Variants in PRDM16 observed in about 807,000 individuals in gnomAD.
The protein encoded by PRDM16 is PR/SET domain 16, also known as histone-lysine N-methyltransferase PRDM16.
A neutral mutation model predicts 110.6 loss-of-function variants in PRDM16; 23 were observed. The observed-to-expected ratio is 0.21, with a 90% CI of 0.15 to 0.29. The LOEUF (loss-of-function observed/expected upper bound fraction) is 0.29. PRDM16 is among the 10% of genes least tolerant of loss of function. The pLI is 1.00. For synonymous variants in PRDM16, 799 were observed against 781.8 expected (o/e 1.02, Z -0.37); for missense variants, 1,615 against 1,794.3 (o/e 0.90, Z 1.81).
intron 2 of PRDM16, among the ~76,000 whole-genome samples, chr1:3,214,651 A>G (rs563066556): frequency 6.6e-6 from 1 of 152,356 alleles, no homozygotes; most frequent in East Asian, 1.9e-4. Context: ...GAGCCGAGAT[A>G]CATTACCACA....
chr1:3,223,900 C>T (rs16823542), intron 2 of PRDM16, among the ~76,000 whole-genome samples: 14,780 of 152,186 alleles, frequency 0.097, 981 homozygotes, highest in African/African-American at 0.18. Flanking sequence ...AGCAGATGAA[C>T]GAGGAAGACA....
chr1:3,167,236 A>G (rs1267551253), intron 1 of PRDM16, among the ~76,000 whole-genome samples: 2 of 152,156 alleles, frequency 1.3e-5, no homozygotes, highest in Non-Finnish European at 2.9e-5. Flanking sequence ...CCAGGCCTTC[A>G]GCCTGTACAC....
At chr1:3,079,370 C>T (rs536092420) in intron 1 of PRDM16, among the ~76,000 whole-genome samples, 170 of 150,392 alleles carry the variant, frequency 1.1e-3, no homozygotes, top group African/African-American at 4.0e-3. Flanking sequence ...TCATGCTGCC[C>T]TGCTGGCCCA....
intron 2 of PRDM16, among the ~76,000 whole-genome samples, chr1:3,236,558 G>A (rs773254144): frequency 1.3e-5 from 2 of 152,174 alleles, no homozygotes; most frequent in Admixed American, 6.5e-5. Context: ...TGGGCCCCAC[G>A]CCGGTGGGTG....
At chr1:3,126,222 C>G (rs887831053) in intron 1 of PRDM16, among the ~76,000 whole-genome samples, 1 of 152,322 alleles carries the variant, frequency 6.6e-6, no homozygotes, top group Non-Finnish European at 1.5e-5. Flanking sequence ...GAGGCACAGT[C>G]GGTCCCCGCA....
chr1:3,147,125 AGT>A (rs1047910460), intron 1 of PRDM16, among the ~76,000 whole-genome samples: 52 of 68,510 alleles, frequency 7.6e-4, no homozygotes, highest in Middle Eastern at 0.026. Flanking sequence ...CTCGGTATGG[AGT>A]GTGTGTGTGC....
intron 3 of PRDM16, among the ~76,000 whole-genome samples, chr1:3,269,610 G>A (rs1640383293): frequency 1.2e-5 from 1 of 86,540 alleles, no homozygotes; most frequent in Non-Finnish European, 2.0e-5. Context: ...GACAGTCCCA[G>A]AGGAGCACAG....
chr1:3,242,744 G>A (rs762773805), intron 2 of PRDM16, among the ~76,000 whole-genome samples: 2 of 152,246 alleles, frequency 1.3e-5, no homozygotes, highest in African/African-American at 2.4e-5. Flanking sequence ...GCTGTGCTCC[G>A]TCCTTAGGAT....
In PRDM16 at chr1:3,266,697, C is replaced by T. The variant is rs185627957; in HGVS notation, c.438+22560C>T. Among the ~76,000 whole-genome samples the T allele has an allele frequency of 4.1e-3, 630 of 152,256 alleles. 5 individuals are homozygous for T. The highest frequency in any genetic ancestry group is 0.014 in the African/African-American group (602 of 41,542). On this transcript the variant is annotated intron_variant, in intron 3 of 16. Transcript: ENST00000270722. ...TTTATTTATTTATTTATGTTTGAGA[C>T]GGAGTCTTGCTCTTGTTGCCCAGGC...
intron 1 of PRDM16, among the ~76,000 whole-genome samples, chr1:3,108,484 G>T (rs1411504846): frequency 6.6e-6 from 1 of 152,208 alleles, no homozygotes; most frequent in African/African-American, 2.4e-5. Context: ...CCCAGTGAGG[G>T]TCTGTCTCTC....
intron 1 of PRDM16, among the ~76,000 whole-genome samples, chr1:3,179,611 C>A (rs537284371): frequency 2.5e-4 from 38 of 152,346 alleles, no homozygotes; most frequent in Middle Eastern, 6.8e-3. Context: ...GAGAAAAGGG[C>A]CCCCGAGTGC....
rs557367880 is a variant in PRDM16, at chr1:3,326,863, T to C, written c.439-58289T>C. Among the ~76,000 whole-genome samples the C allele has an allele frequency of 2.0e-5, 3 of 152,290 alleles. No homozygotes were observed. In the East Asian group the frequency reaches 5.8e-4, roughly 30 times the overall value. On this transcript the variant is annotated intron_variant, in intron 3 of 16. Transcript: ENST00000270722. Reference sequence around the variant, plus strand: ...AGAGAAGGTGGGCTCCTGCCCCCACTGGGCCATGCTCAGCCTCACTAGGCA... The same window carrying C: ...AGAGAAGGTGGGCTCCTGCCCCCACCGGGCCATGCTCAGCCTCACTAGGCA...
rs553048011 is a variant in PRDM16, at chr1:3,157,044, C to T, written c.38-29081C>T. Among the ~76,000 whole-genome samples, 4 of 152,296 alleles carry T rather than the reference C, an allele frequency of 2.6e-5. No individual in the cohort carries two copies. The highest frequency in any genetic ancestry group is 7.2e-5 in the African/African-American group (3 of 41,556). ...TTAGAGGCTGGGCTGGGGCTGAGCACGAGGGCCAAGAGGTGACCGCCGGCC... is the reference window on the plus strand; with the variant it reads ...TTAGAGGCTGGGCTGGGGCTGAGCATGAGGGCCAAGAGGTGACCGCCGGCC... On this transcript the variant is annotated intron_variant, in intron 1 of 16. Transcript: ENST00000270722. This position sits in a 1 kb window ranked among gnomAD's most constrained non-coding sequence, Gnocchi z 4.8.
chr1:3,323,521 G>A (rs1234563423), intron 3 of PRDM16, among the ~76,000 whole-genome samples: 3 of 152,246 alleles, frequency 2.0e-5, no homozygotes, highest in South Asian at 2.1e-4. Flanking sequence ...GGGAGGCCGG[G>A]GAGACAGCGG....
chr1:3,217,523 C>G (rs947389457), intron 2 of PRDM16, among the ~76,000 whole-genome samples: 1 of 152,216 alleles, frequency 6.6e-6, no homozygotes, highest in African/African-American at 2.4e-5. Flanking sequence ...GAAAGTGGAT[C>G]TCAAGAGTGC....
chr1:3,090,404 C>T (rs1642248622), intron 1 of PRDM16, among the ~76,000 whole-genome samples: 1 of 152,230 alleles, frequency 6.6e-6, no homozygotes, highest in African/African-American at 2.4e-5. Context: ...GGATTGGTGG[C>T]CGCCGTTCGG....
rs752633976 is a variant in PRDM16, at chr1:3,411,588, C to T, written c.1391C>T (p.Thr464Ile). ...GGIFAPGLPL[T>I]PSPMMDKAKP... ...ATCTTTGCCCCGGGCCTGCCCTTGA[C>T]CCCCAGCCCCATGATGGACAAGGCA... Residue 464 changes from threonine to isoleucine, a missense_variant, in exon 9 of 17, where the codon ACC becomes ATC. This residue lies in a region of PRDM16 where 772 missense variants were observed against 748.3 expected (regional missense o/e 1.03). Transcript: ENST00000270722. 3.1e-6 allele frequency: 5 copies of T among 1,613,992 alleles called. No individual in the cohort carries two copies. The highest frequency in any genetic ancestry group is 1.6e-4 in the Middle Eastern group (1 of 6,062).
chr1:3,169,575 T>C (rs990846275), intron 1 of PRDM16, among the ~76,000 whole-genome samples: 5 of 151,764 alleles, frequency 3.3e-5, no homozygotes, highest in African/African-American at 1.2e-4. Context: ...GGTCCCGGGG[T>C]TGTTGCTGAG....
At position 3,353,252 on chromosome 1, in the gene PRDM16, C is replaced by T. The variant is rs538438215; in HGVS notation, c.439-31900C>T. ...TTGCCTGAGGTGCGGTAAAAGTTTA[C>T]GAGGGCTGGGCAGCTCCTAGGCATG... On this transcript the variant is annotated intron_variant, in intron 3 of 16. Coordinates refer to ENST00000270722, the MANE Select transcript of PRDM16 (RefSeq NM_022114.4). The surrounding 1 kb of genome is among the most constrained non-coding windows in gnomAD (Gnocchi z 5.4). 2.6e-5 allele frequency among the ~76,000 whole-genome samples: 4 copies of T among 152,194 alleles called. No homozygotes were observed. Among genetic ancestry groups the T allele is most frequent in the African/African-American group, 9.6e-5 (4 of 41,454 alleles).
Sources: allele counts gnomAD v4.1 joint callset (sites outside exome capture counted in the v4.1 genomes callset), GRCh38; gene constraint gnomAD v4.1.1; regional missense constraint gnomAD v4.1.1; non-coding constraint Gnocchi (gnomAD v3.1); transcripts MANE v1.5; gene names NCBI Gene and HGNC (gene_info 2026-07-23, HGNC 2026-07-21).